Variants in CHRNB1 observed in about 807,000 individuals in gnomAD.
CHRNB1 encodes cholinergic receptor nicotinic beta 1 subunit, also known as acetylcholine receptor subunit beta.
In CHRNB1, 47 loss-of-function variants were observed where a neutral mutation model predicts 53.8. The observed-to-expected ratio is 0.87, with a 90% confidence interval of 0.69 to 1.11. The LOEUF (loss-of-function observed/expected upper bound fraction) is 1.11, where lower values mean the gene tolerates loss of function less well. Ranked by LOEUF, CHRNB1 falls within the 50% of genes most tolerant of loss-of-function variation. The pLI is 0.00. For missense variants in CHRNB1, 605 were observed against 654.9 expected, an observed-to-expected ratio of 0.92 and a Z score of 0.83; for synonymous variants, 259 against 263.5, an observed-to-expected ratio of 0.98 and a Z score of 0.16.
chr17:7,445,820 G>T lies in CHRNB1; in HGVS notation c.199-249G>T, dbSNP rs990069933. ...AGCTGAAGGCAGGGCCGGGGACAGA[G>T]CTAGGCGGAGGGCTAGGCAGGGGCG... is the stretch of plus-strand genomic sequence containing the variant. On this transcript the variant is annotated intron_variant, in intron 2 of 10. Transcript: ENST00000306071. The surrounding 1 kb of genome is among the most constrained non-coding windows in gnomAD (Gnocchi z 5.7). The T allele has an allele frequency of 1.8e-5, 11 of 623,726 alleles. No individual in the cohort carries two copies. In the African/African-American group the frequency reaches 2.0e-4, roughly 11 times the overall value. The allele number at this position is 623,726 out of a possible 1,614,324, so 38.6% of individuals were successfully genotyped here.
chr17:7,455,689 CGGGTTTTGAGAACT>C (rs2069942522), intron 9 of CHRNB1, 91 bp from the exon 10 acceptor site: 2 of 1,484,744 alleles, frequency 1.3e-6, no homozygotes, highest in Admixed American at 3.3e-5. Context: ...GATGGGCTCT[CGGGTTTTGAGAACT>C]GGCAAGTTGT....
intron 7 of CHRNB1, among the ~76,000 whole-genome samples, chr17:7,450,379 G>A (rs1908843689): frequency 6.6e-6 from 1 of 152,158 alleles, no homozygotes; most frequent in Admixed American, 6.5e-5. Context: ...CCTGACCTCA[G>A]TGATCCACCT....
At position 7,455,330 on chromosome 17, in the gene CHRNB1, A is replaced by G; in HGVS notation, c.1091A>G (p.Lys364Arg). ...LPLYLRLKRP[K>R]PERDLMPEPP... The stretch of plus-strand genomic sequence containing the variant: ...CTGTACCTGCGTCTAAAAAGGCCCA[A>G]ACCCGAGAGAGACCTGATGCCGGAG... The change falls in exon 9 of 11, where the codon AAA becomes AGA. Residue 364 changes from lysine (K) to arginine (R), a missense_variant. By Grantham distance (26) the Lys-to-Arg change is conservative (BLOSUM62 2). Transcript: ENST00000306071. 1 of 1,614,094 alleles carries G rather than the reference A, an allele frequency of 6.2e-7. No homozygotes were observed. The highest frequency in any genetic ancestry group is 8.5e-7 in the Non-Finnish European group (1 of 1,180,006).
intron 7 of CHRNB1, among the ~76,000 whole-genome samples, chr17:7,451,832 C>G (rs1908898911): frequency 6.6e-6 from 1 of 152,102 alleles, no homozygotes; most frequent in Non-Finnish European, 1.5e-5. Flanking sequence ...GTCCTCCATG[C>G]CCCCACCCAA....
chr17:7,446,199 C>A, intron 3 of CHRNB1, 86 bp downstream of exon 3: 1 of 1,179,336 alleles, frequency 8.5e-7, no homozygotes, highest in Non-Finnish European at 1.3e-6. Flanking sequence ...ATATTTTTTA[C>A]ATCATGACTT....
In CHRNB1 at chr17:7,454,461, G is replaced by A. The variant is rs1474808733; in HGVS notation, c.985G>A (p.Val329Ile). Residue 329 changes from valine (V) to isoleucine (I), a missense_variant, in exon 8 of 11, where the codon GTT (valine) becomes ATT (isoleucine). Val to Ile is a conservative substitution (Grantham distance 29). Transcript: ENST00000306071. Reference sequence around the variant, plus strand: ...CTTCTCAGTCATCCTTAGTGTCGTGGTTCTCAACCTGCACCACCGCTCACC... The same window carrying A: ...CTTCTCAGTCATCCTTAGTGTCGTGATTCTCAACCTGCACCACCGCTCACC... Reference protein sequence around the residue: ...VTFSVILSVVVLNLHHRSPHT... With the variant: ...VTFSVILSVVILNLHHRSPHT... 3 of 1,613,980 alleles carry A rather than the reference G, an allele frequency of 1.9e-6. No homozygotes were observed. The highest frequency in any genetic ancestry group is 4.5e-5 in the East Asian group (2 of 44,876).
chr17:7,456,811 C>T lies in CHRNB1; in HGVS notation c.*88C>T. On this transcript the variant is annotated 3_prime_UTR_variant, in exon 11 of 11. Transcript: ENST00000306071. The stretch of plus-strand genomic sequence containing the variant: ...AGCCCTATCCTTCTCTGCCTCTTAA[C>T]TCCTTCACGAGGAATCTGGGCCTCT... The T allele has an allele frequency of 6.5e-7, 1 of 1,549,776 alleles. No individual in the cohort carries two copies. The highest frequency in any genetic ancestry group is 8.9e-7 in the Non-Finnish European group (1 of 1,127,700).
chr17:7,454,562 A>T (rs1415154949), intron 8 of CHRNB1, 42 bp downstream of exon 8: 1 of 1,507,552 alleles, frequency 6.6e-7, no homozygotes, highest in Admixed American at 1.7e-5. Context: ...TTCCTTTTAC[A>T]GACCATAGGG....
At position 7,454,246 on chromosome 17, in the gene CHRNB1, G is replaced by T. The variant is rs373928636; in HGVS notation, c.821-51G>T. 3.1e-5 allele frequency: 45 copies of T among 1,442,228 alleles called. No individual in the cohort carries two copies. In the Middle Eastern group the frequency reaches 5.3e-4, roughly 17 times the overall value. 89.3% of individuals were successfully genotyped at this position (1,442,228 alleles called of 1,614,324 possible). A position where few individuals can be genotyped will look rare whatever the true frequency, so the allele number is the denominator to read the frequency against. On this transcript the variant is annotated intron_variant, in intron 7 of 10. Transcript: ENST00000306071. The stretch of plus-strand genomic sequence containing the variant: ...ACATGGTCACTGATTATGCCATAGA[G>T]CTTTCCTTCAGGCAAGTCTAATCCT...
At chr17:7,446,175 C>A in intron 3 of CHRNB1, 62 bp downstream of exon 3, 1 of 1,365,182 alleles carries the variant, frequency 7.3e-7, no homozygotes, top group South Asian at 1.2e-5. Context: ...CCTTGAATAT[C>A]CAGCCCAGTA....
At position 7,455,886 on chromosome 17, in the gene CHRNB1, T is replaced by C. The variant is rs2069945051; in HGVS notation, c.1310T>C (p.Val437Ala). The C allele has an allele frequency of 6.2e-7, 1 of 1,613,820 alleles. No homozygotes were observed. The highest frequency in any genetic ancestry group is 8.5e-7 in the Non-Finnish European group (1 of 1,179,968). ...VALLPELREVVSSISYIARQL... is the reference protein window; with the variant it reads ...VALLPELREVASSISYIARQL... ...CTGCTTCCGGAGCTACGGGAGGTCG[T>C]CTCCTCTATCAGCTACATCGCTCGA... The change falls in exon 10 of 11, where the codon GTC becomes GCC. Residue 437 changes from valine to alanine, a missense_variant. By Grantham distance (64) the Val-to-Ala change is moderately conservative (BLOSUM62 0). Transcript: ENST00000306071.
In CHRNB1 at chr17:7,445,243, G is replaced by C. The variant is rs574225093; in HGVS notation, c.59-27G>C. ...GCCAGCGGTCGTGGCCAGGCACCAGGGCTGCACTTATTCTCTCCTCCCCCA... is the reference window on the plus strand; with the variant it reads ...GCCAGCGGTCGTGGCCAGGCACCAGCGCTGCACTTATTCTCTCCTCCCCCA... On this transcript the variant is annotated intron_variant, in intron 1 of 10. Transcript: ENST00000306071. The surrounding 1 kb of genome is among the most constrained non-coding windows in gnomAD (Gnocchi z 5.7). The C allele has an allele frequency of 3.5e-5, 57 of 1,612,282 alleles. No individual in the cohort carries two copies. The South Asian group carries it at 4.3e-4, about 12-fold the overall frequency.
chr17:7,446,840 C>A lies in CHRNB1; in HGVS notation c.251C>A (p.Thr84Asn). Residue 84 changes from threonine to asparagine, a missense_variant, in exon 4 of 11, where the codon ACT becomes AAT. Thr to Asn is a moderately conservative substitution (Grantham distance 65, BLOSUM62 0). Transcript: ENST00000306071. ...STKVYLDLEW[T>N]DYRLSWDPAE... The stretch of plus-strand genomic sequence containing the variant: ...CAGCCTCTGCTTCACTAGGAGTGGA[C>A]TGACTACAGGCTGAGCTGGGACCCT... 2 of 1,613,686 alleles carry A rather than the reference C, an allele frequency of 1.2e-6. No individual in the cohort carries two copies. The highest frequency in any genetic ancestry group is 1.7e-6 in the Non-Finnish European group (2 of 1,179,812).
In CHRNB1 at chr17:7,445,111, G is replaced by A. The variant is rs932194344; in HGVS notation, c.-17G>A. 1 of 1,605,516 alleles carries A rather than the reference G, an allele frequency of 6.2e-7. No individual in the cohort carries two copies. Among genetic ancestry groups the A allele is most frequent in the African/African-American group, 1.3e-5 (1 of 74,832 alleles). On this transcript the variant is annotated 5_prime_UTR_variant, in exon 1 of 11. Transcript: ENST00000306071. This position sits in a 1 kb window ranked among gnomAD's most constrained non-coding sequence, Gnocchi z 5.7. Reference sequence around the variant, plus strand: ...CAGCGGCTCTCTGAGCGAAGTCACTGAGCGAGCCGCCAGGCTATGACCCCA... The same window carrying A: ...CAGCGGCTCTCTGAGCGAAGTCACTAAGCGAGCCGCCAGGCTATGACCCCA...
At position 7,456,805 on chromosome 17, in the gene CHRNB1, T is replaced by C; in HGVS notation, c.*82T>C. 6.4e-7 allele frequency: 1 copy of C among 1,565,548 alleles called. No individual in the cohort carries two copies. ...CTGTCAAGCCCTATCCTTCTCTGCC[T>C]CTTAACTCCTTCACGAGGAATCTGG... On this transcript the variant is annotated 3_prime_UTR_variant, in exon 11 of 11. Transcript: ENST00000306071.
rs1046733309 is a variant in CHRNB1 at position 7,456,613 on chromosome 17, G to A, written c.1396G>A (p.Val466Ile). ...LKEDWQFVAM[V>I]VDRLFLWTFI... ...GGAGGACTGGCAGTTTGTGGCCATG[G>A]TAGTGGACCGCCTCTTCCTGTGGAC... Residue 466 changes from valine (V) to isoleucine (I), a missense_variant, in exon 11 of 11, where the codon GTA becomes ATA. Transcript: ENST00000306071. The A allele has an allele frequency of 2.5e-6, 4 of 1,613,974 alleles. No homozygotes were observed. The African/African-American group carries it at 5.3e-5, about 22-fold the overall frequency.
At chr17:7,446,304 TG>T (rs1471787529) in intron 3 of CHRNB1, 191 bp downstream of exon 3, 2 of 326,466 alleles carry the variant, frequency 6.1e-6, no homozygotes, top group Middle Eastern at 7.9e-4. Flanking sequence ...ATTCCAATTT[TG>T]TGTGTGTGTG....
At chr17:7,446,211 A>C in intron 3 of CHRNB1, 98 bp downstream of exon 3, 1 of 1,055,014 alleles carries the variant, frequency 9.5e-7, no homozygotes, top group Non-Finnish European at 1.5e-6. Context: ...TCATGACTTT[A>C]GATAACACGT....
In CHRNB1 at chr17:7,448,697, C is replaced by T. The variant is rs1163046443; in HGVS notation, c.729C>T (p.Arg243=). Residue 243 remains arginine (R), a synonymous_variant, in exon 7 of 11, where the codon CGC becomes CGT. Coordinates refer to ENST00000306071, the MANE Select transcript of CHRNB1 (RefSeq NM_000747.3). The stretch of plus-strand genomic sequence containing the variant: ...TCATCTTCTACCTCATCATCCGCCG[C>T]AAGCCTCTCTTCTACCTGGTCAACG... ...QEVIFYLIIR[R]KPLFYLVNVI... 6.2e-7 allele frequency: 1 copy of T among 1,614,148 alleles called. No homozygotes were observed. The highest frequency in any genetic ancestry group is 1.3e-5 in the African/African-American group (1 of 75,058).
Sources: allele counts gnomAD v4.1 joint callset (sites outside exome capture counted in the v4.1 genomes callset), GRCh38; gene constraint gnomAD v4.1.1; non-coding constraint Gnocchi (gnomAD v3.1); transcripts MANE v1.5; gene names NCBI Gene and HGNC (gene_info 2026-07-23, HGNC 2026-07-21).